LTBP1: variants seen among roughly 807,000 people sequenced by gnomAD.
The protein encoded by LTBP1 is latent-transforming growth factor beta-binding protein 1.
LTBP1 carries 129 observed loss-of-function variants against 207.6 expected under a neutral mutation model. That is an observed-to-expected ratio of 0.62 (90% CI 0.54 to 0.72). The LOEUF (loss-of-function observed/expected upper bound fraction) is 0.72, where lower values mean the gene tolerates loss of function less well. Ranked by LOEUF, LTBP1 falls within the 30% of genes least tolerant of loss-of-function variation. The pLI is 0.00. For missense variants in LTBP1, 2,281 were observed against 2,217.2 expected (o/e 1.03, Z -0.58); for synonymous variants, 963 against 833.7 (o/e 1.16, Z -2.67).
intron 5 of LTBP1, among the ~76,000 whole-genome samples, chr2:33,177,792 A>G (rs2086210336): frequency 1.3e-5 from 2 of 152,266 alleles, no homozygotes; most frequent in Middle Eastern, 3.2e-3. Context: ...CTCTGTAGCA[A>G]TACATGGTGC....
intron 19 of LTBP1, among the ~76,000 whole-genome samples, chr2:33,283,427 CTTTTTTTTTT>C (rs763384851): frequency 1.0e-4 from 7 of 68,908 alleles, no homozygotes; most frequent in East Asian, 3.9e-4. Context: ...ACATTAAAGA[CTTTTTTTTTT>C]TTTTTTTTTT....
intron 5 of LTBP1, among the ~76,000 whole-genome samples, chr2:33,150,465 A>G (rs911895635): frequency 1.3e-5 from 2 of 152,022 alleles, no homozygotes; most frequent in South Asian, 2.1e-4. Context: ...TTTTAATGGC[A>G]TTGAGTATAT....
chr2:33,042,877 TATA>T (rs2076258081), intron 3 of LTBP1, among the ~76,000 whole-genome samples: 1 of 152,180 alleles, frequency 6.6e-6, no homozygotes, highest in South Asian at 2.1e-4. Flanking sequence ...AAGGAGTCTA[TATA>T]AAGCTAAAAC....
chr2:33,391,938 C>G (rs1032995358), intron 32 of LTBP1, among the ~76,000 whole-genome samples: 3 of 152,164 alleles, frequency 2.0e-5, no homozygotes, highest in African/African-American at 7.2e-5. Context: ...ACATTTCTTA[C>G]AAGTTGCAGA....
chr2:32,963,664 A>C (rs1679495244), intron 2 of LTBP1, among the ~76,000 whole-genome samples: 2 of 152,114 alleles, frequency 1.3e-5, no homozygotes, highest in African/African-American at 4.8e-5. Context: ...TGCCTAAACC[A>C]CACTTCTTCA....
intron 24 of LTBP1, among the ~76,000 whole-genome samples, chr2:33,322,939 T>A (rs1489876856): frequency 6.6e-6 from 1 of 152,240 alleles, no homozygotes; most frequent in Non-Finnish European, 1.5e-5. Flanking sequence ...CTTTACCTTG[T>A]TTATTGTTCT....
In LTBP1 at chr2:33,046,510, G is replaced by T. The variant is rs528448996; in HGVS notation, c.863+25304G>T. Among the ~76,000 whole-genome samples, 5 of 152,318 alleles carry T rather than the reference G, an allele frequency of 3.3e-5. No homozygotes were observed. In the South Asian group the frequency reaches 1.0e-3, roughly 32 times the overall value. On this transcript the variant is annotated intron_variant, in intron 3 of 33. Transcript: ENST00000404816. ...GCTTTTTGATGTGCTGCTGGATTCA[G>T]TTTGCCAGTATTTTATGGAGGATTT...
At chr2:33,387,702 A>C (rs2095278696) in intron 31 of LTBP1, among the ~76,000 whole-genome samples, 1 of 151,190 alleles carries the variant, frequency 6.6e-6, no homozygotes, top group African/African-American at 2.4e-5. Flanking sequence ...TGATAAAAGA[A>C]AGCCTTCAGG....
intron 24 of LTBP1, among the ~76,000 whole-genome samples, chr2:33,335,055 C>G (rs975607859): frequency 6.6e-6 from 1 of 151,766 alleles, no homozygotes; most frequent in African/African-American, 2.4e-5. Flanking sequence ...CCATGGCACT[C>G]TCTCTCACAG....
At chr2:33,084,605 G>C (rs11885276) in intron 3 of LTBP1, among the ~76,000 whole-genome samples, 10,369 of 152,162 alleles carry the variant, frequency 0.068, 423 homozygotes, top group South Asian at 0.18. Flanking sequence ...CTTACAGTCC[G>C]TCTCCTTACC....
intron 3 of LTBP1, among the ~76,000 whole-genome samples, chr2:33,081,902 G>A (rs1451526937): frequency 6.6e-6 from 1 of 152,172 alleles, no homozygotes; most frequent in African/African-American, 2.4e-5. Context: ...GAAGAAGGAT[G>A]TTTTTGCTTC....
chr2:33,297,811 G>A (rs1188056972), intron 20 of LTBP1, among the ~76,000 whole-genome samples: 12 of 152,096 alleles, frequency 7.9e-5, no homozygotes, highest in Non-Finnish European at 1.6e-4. Context: ...TTCCAGTCAC[G>A]TCCTCTTTCT....
chr2:33,090,494 T>C (rs2079017142), intron 3 of LTBP1, among the ~76,000 whole-genome samples: 1 of 152,202 alleles, frequency 6.6e-6, no homozygotes, highest in African/African-American at 2.4e-5. Flanking sequence ...GCCGAGTGTG[T>C]GTTGGGCACA....
rs1037140276 is a variant in LTBP1, at chr2:33,139,661, G to A, written c.1201+4701G>A. 2.0e-5 allele frequency among the ~76,000 whole-genome samples: 3 copies of A among 152,198 alleles called. 1 individual carries two copies. Among genetic ancestry groups the A allele is most frequent in the South Asian group, 4.1e-4 (2 of 4,828 alleles). On this transcript the variant is annotated intron_variant, in intron 5 of 33. Transcript: ENST00000404816. ...AGATGGCCTGATTGTGGACTGAAGGGAGACGTGGAACTTGAAACATTGGTA... is the reference window on the plus strand; with the variant it reads ...AGATGGCCTGATTGTGGACTGAAGGAAGACGTGGAACTTGAAACATTGGTA...
chr2:32,995,422 G>A lies in LTBP1; in HGVS notation c.566-25487G>A, dbSNP rs190210177. Reference sequence around the variant, plus strand: ...ACTGGTCTTTGACTTTTCTGTCTTGGTTGAAGGCTAATCATTGTGGTTGTG... The same window carrying A: ...ACTGGTCTTTGACTTTTCTGTCTTGATTGAAGGCTAATCATTGTGGTTGTG... On this transcript the variant is annotated intron_variant, in intron 2 of 33. Transcript: ENST00000404816. Among the ~76,000 whole-genome samples, 5 of 152,248 alleles carry A rather than the reference G, an allele frequency of 3.3e-5. No homozygotes were observed. The East Asian group carries it at 7.7e-4, about 24-fold the overall frequency.
intron 9 of LTBP1, among the ~76,000 whole-genome samples, chr2:33,224,920 C>A (rs573691232): frequency 2.3e-4 from 35 of 152,114 alleles, no homozygotes; most frequent in Non-Finnish European, 7.4e-5. Flanking sequence ...TCTTTGTTTT[C>A]TTTTCCTCTA....
intron 15 of LTBP1, among the ~76,000 whole-genome samples, chr2:33,266,852 C>G (rs1196383045): frequency 1.3e-5 from 2 of 152,172 alleles, no homozygotes; most frequent in Non-Finnish European, 2.9e-5. Context: ...GAACTCAGAG[C>G]CCACCAAATG....
chr2:33,012,481 T>C (rs1024092148), intron 2 of LTBP1, among the ~76,000 whole-genome samples: 2 of 152,356 alleles, frequency 1.3e-5, no homozygotes, highest in African/African-American at 4.8e-5. Flanking sequence ...ATATAATAAC[T>C]CACAAATATT....
chr2:33,099,898 C>T (rs1267666556), intron 3 of LTBP1, among the ~76,000 whole-genome samples: 5 of 152,166 alleles, frequency 3.3e-5, no homozygotes, highest in Non-Finnish European at 7.4e-5. Flanking sequence ...TTCCATTCTT[C>T]TAGGCTTAAA....
Sources: allele counts gnomAD v4.1 joint callset (sites outside exome capture counted in the v4.1 genomes callset), GRCh38; gene constraint gnomAD v4.1.1; transcripts MANE v1.5; gene names NCBI Gene and HGNC (gene_info 2026-07-23, HGNC 2026-07-21).